ADAM12: variants seen among roughly 807,000 people sequenced by gnomAD.
ADAM12 encodes the protein disintegrin and metalloproteinase domain-containing protein 12.
ADAM12 carries 70 observed loss-of-function variants against 106.4 expected under a neutral mutation model. The ratio of observed to expected loss-of-function variants is 0.66; its 90% CI spans 0.54 to 0.80. ADAM12 has a LOEUF of 0.80. Among genes scored for constraint, ADAM12 ranks in the 30% least tolerant of loss-of-function variants. The probability of loss-of-function intolerance (pLI) is 0.00; values close to 1 mark genes in which losing one functional copy is unlikely to be tolerated. For missense variants in ADAM12, 1,010 were observed against 1,171.9 expected (o/e 0.86, Z 2.02); for synonymous variants, 420 against 433.5 (o/e 0.97, Z 0.39).
rs374292859 is a variant in ADAM12 at position 126,165,949 on chromosome 10, A to T, written c.261-10644T>A. 1.1e-4 allele frequency among the ~76,000 whole-genome samples: 17 copies of T among 152,302 alleles called. No homozygotes were observed. The East Asian group carries it at 2.7e-3, about 24-fold the overall frequency. ...ATTTTTCTTTTGTTATTCTCCATTT[A>T]CTAAAAGATTCAAAATGATCAAAAC... On this transcript the variant is annotated intron_variant, in intron 3 of 22. Transcript: ENST00000448723.
intron 1 of ADAM12, among the ~76,000 whole-genome samples, chr10:126,344,857 T>A (rs1855074159): frequency 6.6e-6 from 1 of 152,182 alleles, no homozygotes; most frequent in African/African-American, 2.4e-5. Flanking sequence ...TGCTTGTGAT[T>A]TTTGCACATT....
chr10:126,159,544 G>A (rs1278298995), intron 3 of ADAM12, among the ~76,000 whole-genome samples: 1 of 152,086 alleles, frequency 6.6e-6, no homozygotes, highest in Non-Finnish European at 1.5e-5. Context: ...GGGGAGTGAT[G>A]GGTGCAGACA....
At chr10:126,307,305 A>G (rs1287305707) in intron 2 of ADAM12, among the ~76,000 whole-genome samples, 3 of 152,146 alleles carry the variant, frequency 2.0e-5, no homozygotes, top group Admixed American at 2.0e-4. Context: ...AGCTAATTTC[A>G]ATATTTATAT....
chr10:126,112,794 C>G (rs561207473), intron 6 of ADAM12, among the ~76,000 whole-genome samples: 2 of 152,102 alleles, frequency 1.3e-5, no homozygotes, highest in African/African-American at 4.8e-5. Context: ...GCTGGGGATA[C>G]AGTGTGGACA....
chr10:126,109,947 T>A (rs980018433), intron 6 of ADAM12, 107 bp from the exon 7 acceptor site: 30 of 1,021,386 alleles, frequency 2.9e-5, no homozygotes, highest in Middle Eastern at 2.1e-4. Context: ...ATATCCCCCA[T>A]CCCCGCCAGG....
chr10:126,321,904 T>TGGGGGGGG (rs371286030), intron 2 of ADAM12, among the ~76,000 whole-genome samples: 4 of 88,688 alleles, frequency 4.5e-5, no homozygotes, highest in Non-Finnish European at 7.2e-5. Context: ...TACCTGGGGG[T>TGGGGGGGG]CGGGGGGGGG....
rs1000120455 is a variant in ADAM12 at position 126,311,236 on chromosome 10, G to T, written c.186+19176C>A. ...GGCATCCTATATTTTATTTGGCAAT[G>T]CCACATTCCATGCATGTTTGCTGAA... On this transcript the variant is annotated intron_variant, in intron 2 of 22. Coordinates refer to ENST00000448723, the MANE Select transcript of ADAM12 (RefSeq NM_001288973.2). Among the ~76,000 whole-genome samples the T allele has an allele frequency of 1.5e-4, 23 of 152,212 alleles. No individual in the cohort carries two copies. In the East Asian group the frequency reaches 4.2e-3, roughly 28 times the overall value.
At chr10:126,131,578 C>A (rs1317064925) in intron 5 of ADAM12, among the ~76,000 whole-genome samples, 1 of 152,078 alleles carries the variant, frequency 6.6e-6, no homozygotes, top group Non-Finnish European at 1.5e-5. Context: ...GGGATTCGTG[C>A]CCTTATAAGG....
chr10:126,272,259 T>A (rs748515960), intron 3 of ADAM12, among the ~76,000 whole-genome samples: 2 of 152,202 alleles, frequency 1.3e-5, no homozygotes, highest in Non-Finnish European at 2.9e-5. Context: ...TATTTGTGAA[T>A]AAATAACCAG....
At chr10:126,102,963 C>G (rs771092035) in intron 8 of ADAM12, among the ~76,000 whole-genome samples, 1 of 152,134 alleles carries the variant, frequency 6.6e-6, no homozygotes, top group Non-Finnish European at 1.5e-5. Flanking sequence ...ATGCTCACAC[C>G]AGCTTGCTAA....
chr10:126,050,392 G>A (rs947283697), intron 14 of ADAM12, among the ~76,000 whole-genome samples: 1 of 152,192 alleles, frequency 6.6e-6, no homozygotes, highest in African/African-American at 2.4e-5. Context: ...AAGTTCTGGA[G>A]GACTCCTGAA....
intron 6 of ADAM12, among the ~76,000 whole-genome samples, chr10:126,114,158 T>A (rs1350431903): frequency 6.6e-6 from 1 of 152,090 alleles, no homozygotes. Context: ...CACACACTGA[T>A]CATATCCACA....
At chr10:126,208,472 C>G (rs77647511) in intron 3 of ADAM12, among the ~76,000 whole-genome samples, 2,627 of 152,268 alleles carry the variant, frequency 0.017, 113 homozygotes, top group Admixed American at 0.086. Flanking sequence ...AATTCATATG[C>G]AATTGTACAC....
intron 1 of ADAM12, among the ~76,000 whole-genome samples, chr10:126,349,421 C>G (rs574851004): frequency 1.3e-5 from 2 of 152,198 alleles, no homozygotes; most frequent in African/African-American, 4.8e-5. Flanking sequence ...ACCTAGAGAG[C>G]TTTGCAGTTC....
At chr10:126,326,326 G>A (rs1854301152) in intron 2 of ADAM12, among the ~76,000 whole-genome samples, 3 of 152,126 alleles carry the variant, frequency 2.0e-5, no homozygotes, top group African/African-American at 4.8e-5. Context: ...AATGCAGCTA[G>A]GGTGAGAACC....
chr10:126,237,577 C>T (rs145561821), intron 3 of ADAM12, among the ~76,000 whole-genome samples: 1 of 152,292 alleles, frequency 6.6e-6, no homozygotes, highest in African/African-American at 2.4e-5. Context: ...TTTTTGTCCT[C>T]CTCCTTCCCT....
intron 1 of ADAM12, among the ~76,000 whole-genome samples, chr10:126,337,339 A>G (rs576031573): frequency 2.6e-5 from 4 of 152,226 alleles, no homozygotes; most frequent in Non-Finnish European, 4.4e-5. Context: ...AGAGAGCCAG[A>G]AGACTCAGCA....
intron 2 of ADAM12, among the ~76,000 whole-genome samples, chr10:126,313,565 C>T (rs1047076554): frequency 2.6e-5 from 4 of 152,120 alleles, no homozygotes; most frequent in African/African-American, 9.7e-5. Context: ...AATACATACA[C>T]CTCATCAACA....
In ADAM12 at chr10:126,064,250, T is replaced by C. The variant is rs1278277; in HGVS notation, c.1609+556A>G. On this transcript the variant is annotated intron_variant, in intron 14 of 22. Transcript: ENST00000448723. This position sits in a 1 kb window ranked among gnomAD's most constrained non-coding sequence, Gnocchi z 4.4. Reference sequence around the variant, plus strand: ...CACTCACTGCTGCTCTCAGGCCTTCTGATTACAGACACACTCATGCTTCAA... The same window carrying C: ...CACTCACTGCTGCTCTCAGGCCTTCCGATTACAGACACACTCATGCTTCAA... Among the ~76,000 whole-genome samples the C allele has an allele frequency of 0.71, 107,957 of 152,120 alleles. 40,046 individuals carry two copies. The highest frequency in any genetic ancestry group is 0.92 in the African/African-American group (38,105 of 41,530).
Sources: gnomAD v4.1 joint callset for allele counts (sites outside exome capture counted in the v4.1 genomes callset) on GRCh38, gnomAD v4.1.1 for gene constraint, Gnocchi (gnomAD v3.1) non-coding constraint, MANE v1.5 for transcripts, NCBI Gene and HGNC (gene_info 2026-07-23, HGNC 2026-07-21) for gene names.